The following ZFHX3 variants were observed in gnomAD, a reference collection of about 807,000 sequenced individuals.
ZFHX3 encodes the protein zinc finger homeobox protein 3.
Under a neutral mutation model 279.1 loss-of-function variants are expected in ZFHX3, and 42 were observed. The ratio of observed to expected loss-of-function variants is 0.15; its 90% confidence interval spans 0.12 to 0.19. The LOEUF is 0.19. Among genes scored for constraint, ZFHX3 ranks in the 10% least tolerant of loss-of-function variants. The probability of loss-of-function intolerance (pLI) is 1.00; values close to 1 mark genes in which losing one functional copy is unlikely to be tolerated. For synonymous variants in ZFHX3, 2,293 were observed against 1,957.8 expected, an observed-to-expected ratio of 1.17 and a Z score of -4.52; for missense variants, 4,981 against 4,754.0, an observed-to-expected ratio of 1.05 and a Z score of -1.40.
intron 1 of ZFHX3, among the ~76,000 whole-genome samples, chr16:73,845,011 G>T (rs1961411373): frequency 6.6e-6 from 1 of 151,992 alleles, no homozygotes. Flanking sequence ...CCAAAATGAG[G>T]GCTAAAGAAG....
intron 7 of ZFHX3, among the ~76,000 whole-genome samples, chr16:73,119,250 C>T (rs920770922): frequency 9.9e-5 from 15 of 151,988 alleles, no homozygotes; most frequent in African/African-American, 3.4e-4. Flanking sequence ...ACCATAGGTG[C>T]ATGCCACTAT....
chr16:73,606,454 C>G (rs1259260115), intron 2 of ZFHX3, among the ~76,000 whole-genome samples: 1 of 147,330 alleles, frequency 6.8e-6, no homozygotes, highest in South Asian at 2.2e-4. Flanking sequence ...CCTTTGCACT[C>G]TAGCTTGGGG....
intron 3 of ZFHX3, among the ~76,000 whole-genome samples, chr16:73,437,710 A>G (rs1427572215): frequency 1.3e-5 from 2 of 152,160 alleles, no homozygotes; most frequent in Non-Finnish European, 2.9e-5. Flanking sequence ...TATTATTGGT[A>G]TTTTCACCAA....
intron 4 of ZFHX3, among the ~76,000 whole-genome samples, chr16:73,272,430 C>T (rs1422778774): frequency 6.6e-6 from 1 of 152,098 alleles, no homozygotes; most frequent in East Asian, 1.9e-4. Context: ...ATACATATGA[C>T]ATTTTACATT....
chr16:73,511,884 C>A (rs1033936960), intron 2 of ZFHX3, among the ~76,000 whole-genome samples: 1 of 152,100 alleles, frequency 6.6e-6, no homozygotes, highest in East Asian at 1.9e-4. Flanking sequence ...CTTCCTTGAA[C>A]CTTTAAACCT....
chr16:73,682,897 A>AG (rs1754405791), intron 1 of ZFHX3, among the ~76,000 whole-genome samples: 1 of 20,280 alleles, frequency 4.9e-5, no homozygotes, highest in Non-Finnish European at 1.1e-4. Context: ...AAAGAAAGAA[A>AG]GAAAGAAAGA....
chr16:72,964,242 G>C (rs1961722073), intron 1 of ZFHX3, among the ~76,000 whole-genome samples: 1 of 152,222 alleles, frequency 6.6e-6, no homozygotes, highest in South Asian at 2.1e-4. Flanking sequence ...GCAATGCATG[G>C]AGATTTAAGT....
intron 1 of ZFHX3, among the ~76,000 whole-genome samples, chr16:73,728,644 A>C (rs529363102): frequency 1.4e-4 from 22 of 152,240 alleles, no homozygotes; most frequent in Middle Eastern, 6.8e-3. Flanking sequence ...AGTTAGAGCT[A>C]AAACAGCCCA....
chr16:73,004,186 AG>A (rs1170393892), intron 1 of ZFHX3, among the ~76,000 whole-genome samples: 1 of 40,538 alleles, frequency 2.5e-5, no homozygotes, highest in African/African-American at 1.5e-4. Context: ...TTTTTTTTTA[AG>A]TAGAGACAGG....
intron 2 of ZFHX3, among the ~76,000 whole-genome samples, chr16:73,605,058 C>T (rs914029662): frequency 6.6e-6 from 1 of 152,194 alleles, no homozygotes. Context: ...CCAACAAGAC[C>T]ACATTCTGCT....
chr16:73,478,780 C>A (rs996909781), intron 2 of ZFHX3, among the ~76,000 whole-genome samples: 1 of 152,100 alleles, frequency 6.6e-6, no homozygotes, highest in Admixed American at 6.5e-5. Flanking sequence ...AAGCTGGGCG[C>A]GGTGGCTCCA....
intron 1 of ZFHX3, among the ~76,000 whole-genome samples, chr16:73,035,774 C>G (rs116214748): frequency 0.015 from 2,240 of 152,246 alleles, 59 homozygotes; most frequent in African/African-American, 0.049. Context: ...AAAACCAGCC[C>G]ACGCTGGTAG....
Position 72,798,445 on chromosome 16 carries a change from T to C in ZFHX3, c.4237A>G (p.Ile1413Val). 6.2e-7 allele frequency: 1 copy of C among 1,614,222 alleles called. No homozygotes were observed. The highest frequency in any genetic ancestry group is 1.3e-5 in the African/African-American group (1 of 75,060). The change falls in exon 9 of 10, where the codon ATT becomes GTT. Residue 1413 changes from isoleucine to valine, a missense_variant. Ile to Val is a conservative substitution (Grantham distance 29). Coordinates refer to ENST00000268489, the MANE Select transcript of ZFHX3 (RefSeq NM_006885.4). The stretch of plus-strand genomic sequence containing the variant: ...TGAGAATGGAGCTGCAACTTTTCAA[T>C]GGTCTTGAAGGCCAGGCTACACTGA... ...CNQCSLAFKT[I>V]EKLQLHSQYH...
In ZFHX3 at chr16:73,562,513, G is replaced by T. The variant is rs1420245191; in HGVS notation, c.-1546-106255C>A. On this transcript the variant is annotated intron_variant, in intron 2 of 17. Transcript: ENST00000641206. Reference sequence around the variant, plus strand: ...CCGGAGGCTGAGGCGGGAGAATGGCGTGAACCTGGGAGGCGGAGCTTGCAG... The same window carrying T: ...CCGGAGGCTGAGGCGGGAGAATGGCTTGAACCTGGGAGGCGGAGCTTGCAG... 3.3e-5 allele frequency among the ~76,000 whole-genome samples: 5 copies of T among 150,418 alleles called. No homozygotes were observed. The Admixed American group carries it at 3.3e-4, about 10-fold the overall frequency.
chr16:73,741,053 A>ACGGAG (rs1269252149), intron 1 of ZFHX3, among the ~76,000 whole-genome samples: 1 of 111,376 alleles, frequency 9.0e-6, no homozygotes, highest in African/African-American at 3.6e-5. Flanking sequence ...TTTTTTTGAG[A>ACGGAG]CGGAGTCTCA....
Position 73,369,834 on chromosome 16 carries a change from G to A in ZFHX3, c.-1290-51498C>T, listed in dbSNP as rs554474970. 2.4e-4 allele frequency among the ~76,000 whole-genome samples: 34 copies of A among 140,804 alleles called. No individual in the cohort carries two copies. The East Asian group carries it at 3.2e-3, about 13-fold the overall frequency. The allele number at this position is 140,804 out of a possible 152,430, so 92.4% of individuals were successfully genotyped here. ...AAGCTTAATTACTTAGAATTAGGAT[G>A]GTCCTTTCTCTCTCTCTCTCTCTCT... On this transcript the variant is annotated intron_variant, in intron 3 of 17. Transcript: ENST00000641206.
At chr16:73,143,692 G>A in intron 6 of ZFHX3, 1 of 1,208,904 alleles carries the variant, frequency 8.3e-7, no homozygotes, top group Non-Finnish European at 1.1e-6. Flanking sequence ...TTTTTTGACT[G>A]CGTTAACTCA....
At chr16:72,993,085 G>A (rs927900289) in intron 1 of ZFHX3, among the ~76,000 whole-genome samples, 8 of 152,210 alleles carry the variant, frequency 5.3e-5, no homozygotes, top group Non-Finnish European at 7.3e-5. Flanking sequence ...GTGGTGAGCC[G>A]AGATCGCACC....
chr16:73,779,439 ATCG>A (rs1393349558), intron 1 of ZFHX3, among the ~76,000 whole-genome samples: 2 of 322 alleles, frequency 6.2e-3, no homozygotes, highest in Non-Finnish European at 0.012. Flanking sequence ...GTATGGAATC[ATCG>A]AGAAGAAAAT....
Sources: allele counts gnomAD v4.1 joint callset (sites outside exome capture counted in the v4.1 genomes callset), GRCh38; gene constraint gnomAD v4.1.1; transcripts MANE v1.5; gene names NCBI Gene and HGNC (gene_info 2026-07-23, HGNC 2026-07-21).